The following ADGRL3 variants were observed in gnomAD, a reference collection of about 807,000 sequenced individuals.
ADGRL3 encodes adhesion G protein-coupled receptor L3.
Under a neutral mutation model 153.5 loss-of-function variants are expected in ADGRL3, and 62 were observed. The ratio of observed to expected loss-of-function variants is 0.40; its 90% CI spans 0.33 to 0.50. The LOEUF (loss-of-function observed/expected upper bound fraction) is 0.50, where lower values mean the gene tolerates loss of function less well. Ranked by LOEUF, ADGRL3 falls within the 20% of genes least tolerant of loss-of-function variation. The pLI is 0.47. For missense variants in ADGRL3, 1,641 were observed against 1,859.4 expected (o/e 0.88, Z 2.16); for synonymous variants, 710 against 672.5 (o/e 1.06, Z -0.86).
chr4:61,568,597 T>C (rs996452669), intron 4 of ADGRL3, among the ~76,000 whole-genome samples: 1 of 152,194 alleles, frequency 6.6e-6, no homozygotes, highest in Non-Finnish European at 1.5e-5. Flanking sequence ...GAAGTCAGGA[T>C]TCCTTAACAA....
At chr4:61,662,929 C>T (rs372263658) in intron 5 of ADGRL3, among the ~76,000 whole-genome samples, 1 of 152,106 alleles carries the variant, frequency 6.6e-6, no homozygotes, top group African/African-American at 2.4e-5. Flanking sequence ...GAGGAGCTAC[C>T]CACTGTGGGT....
At chr4:61,626,031 T>C (rs2092809759) in intron 5 of ADGRL3, among the ~76,000 whole-genome samples, 1 of 152,076 alleles carries the variant, frequency 6.6e-6, no homozygotes. Context: ...CTTAACACTC[T>C]ACAGTTTAAA....
intron 5 of ADGRL3, among the ~76,000 whole-genome samples, chr4:61,673,643 TA>T (rs903008658): frequency 1.3e-5 from 2 of 151,376 alleles, no homozygotes; most frequent in African/African-American, 4.8e-5. Flanking sequence ...TGAAGTCATT[TA>T]AAAAAAGAAA....
chr4:61,351,286 G>C (rs2096044099), intron 1 of ADGRL3, among the ~76,000 whole-genome samples: 1 of 152,180 alleles, frequency 6.6e-6, no homozygotes, highest in Admixed American at 6.5e-5. Flanking sequence ...TTTGAAACTA[G>C]CAGATAATGG....
chr4:61,845,490 A>G (rs754272191), intron 9 of ADGRL3, among the ~76,000 whole-genome samples: 2 of 151,556 alleles, frequency 1.3e-5, no homozygotes, highest in Non-Finnish European at 2.9e-5. Flanking sequence ...AGCTAGGACT[A>G]CAGGTGCATG....
intron 11 of ADGRL3, among the ~76,000 whole-genome samples, chr4:61,899,038 TCTC>T (rs1224962793): frequency 1.3e-5 from 2 of 152,062 alleles, no homozygotes; most frequent in African/African-American, 4.8e-5. Flanking sequence ...CAGGTAGCCT[TCTC>T]CTGTTGGCAC....
intron 1 of ADGRL3, among the ~76,000 whole-genome samples, chr4:61,334,570 T>C (rs2151021594): frequency 6.6e-6 from 1 of 152,260 alleles, no homozygotes; most frequent in East Asian, 1.9e-4. Flanking sequence ...TGAACTGTGA[T>C]CAGTTCCCAC....
intron 14 of ADGRL3, among the ~76,000 whole-genome samples, chr4:61,935,496 T>G (rs146567948): frequency 2.0e-5 from 3 of 152,296 alleles, no homozygotes; most frequent in African/African-American, 4.8e-5. Flanking sequence ...TATTGTGGAT[T>G]AGGAGTAGCT....
chr4:61,462,741 T>C (rs978764022), intron 2 of ADGRL3, among the ~76,000 whole-genome samples: 9 of 152,160 alleles, frequency 5.9e-5, no homozygotes, highest in Non-Finnish European at 1.2e-4. Context: ...GCCAAGTATA[T>C]TGGGCAATCA....
intron 1 of ADGRL3, among the ~76,000 whole-genome samples, chr4:61,353,867 C>T (rs1314616210): frequency 6.6e-6 from 1 of 151,996 alleles, no homozygotes; most frequent in African/African-American, 2.4e-5. Context: ...TTTCTCTCCA[C>T]TTTTCTAATT....
intron 21 of ADGRL3, among the ~76,000 whole-genome samples, chr4:62,015,092 C>T (rs781686679): frequency 6.6e-6 from 1 of 152,140 alleles, no homozygotes; most frequent in Non-Finnish European, 1.5e-5. Context: ...TTAAAATGTG[C>T]AGACAGTATA....
chr4:61,358,914 C>G (rs62314365), intron 1 of ADGRL3, among the ~76,000 whole-genome samples: 1 of 152,000 alleles, frequency 6.6e-6, no homozygotes, highest in Non-Finnish European at 1.5e-5. Context: ...TAGCTACTTT[C>G]TCAAACATCT....
intron 8 of ADGRL3, among the ~76,000 whole-genome samples, chr4:61,810,365 T>G (rs1344829811): frequency 6.6e-6 from 1 of 152,130 alleles, no homozygotes; most frequent in Non-Finnish European, 1.5e-5. Context: ...AGTCCCCAAC[T>G]TCTCAAGATG....
At chr4:61,897,714 T>C (rs748015940) in intron 11 of ADGRL3, among the ~76,000 whole-genome samples, 11 of 152,222 alleles carry the variant, frequency 7.2e-5, no homozygotes, top group Non-Finnish European at 1.6e-4. Flanking sequence ...GTCTATATTT[T>C]ATCCCCCACC....
intron 5 of ADGRL3, among the ~76,000 whole-genome samples, chr4:61,644,273 T>TTTTTG (rs567743767): frequency 6.7e-6 from 1 of 149,414 alleles, no homozygotes; most frequent in Non-Finnish European, 1.5e-5. Context: ...GAAGGGTTTT[T>TTTTTG]TGTGTCTCTA....
chr4:61,334,408 A>G (rs1029538740), intron 1 of ADGRL3, among the ~76,000 whole-genome samples: 1 of 152,174 alleles, frequency 6.6e-6, no homozygotes, highest in Non-Finnish European at 1.5e-5. Flanking sequence ...GAGAGATATT[A>G]GTTACTTTCA....
At chr4:61,281,234 G>A (rs542862204) in intron 1 of ADGRL3, among the ~76,000 whole-genome samples, 4 of 151,988 alleles carry the variant, frequency 2.6e-5, no homozygotes, top group African/African-American at 9.6e-5. Context: ...GTACCGAATG[G>A]GGTACCATCC....
chr4:62,066,180 T>C (rs1742899714), intron 25 of ADGRL3, among the ~76,000 whole-genome samples: 1 of 152,112 alleles, frequency 6.6e-6, no homozygotes, highest in African/African-American at 2.4e-5. Context: ...GTCATATTGC[T>C]ACTAATCTTA....
At chr4:61,466,339 A>C (rs549805727) in intron 2 of ADGRL3, among the ~76,000 whole-genome samples, 21 of 152,186 alleles carry the variant, frequency 1.4e-4, no homozygotes, top group African/African-American at 5.1e-4. Flanking sequence ...ATATTAACTC[A>C]GCATACGCTT....
Sources: gnomAD v4.1 joint callset for allele counts (sites outside exome capture counted in the v4.1 genomes callset) on GRCh38, gnomAD v4.1.1 for gene constraint, MANE v1.5 for transcripts, NCBI Gene and HGNC (gene_info 2026-07-23, HGNC 2026-07-21) for gene names.